NUS1: variants seen among roughly 807,000 people sequenced by gnomAD.
NUS1 encodes NUS1 dehydrodolichyl diphosphate synthase subunit, also known as dehydrodolichyl diphosphate synthase complex subunit NUS1.
For missense variants in NUS1, 292 were observed against 382.9 expected (o/e 0.76, Z 1.98); for synonymous variants, 135 against 155.2 (o/e 0.87, Z 0.97).
intron 1 of NUS1, among the ~76,000 whole-genome samples, chr6:117,680,820 T>A (rs1409336371): frequency 6.6e-6 from 1 of 152,258 alleles, no homozygotes; most frequent in African/African-American, 2.4e-5. Context: ...GTGTGAGAAT[T>A]CAACAGTAAG....
chr6:117,686,845 AGTGTGTATGTGTGTGTGTGT>A (rs961037735), intron 1 of NUS1, among the ~76,000 whole-genome samples: 2 of 114,360 alleles, frequency 1.7e-5, no homozygotes, highest in African/African-American at 6.2e-5. Flanking sequence ...TATCATGTGA[AGTGTGTATGTGTGTGTGTGT>A]GTGTGTGTGT....
Position 117,675,737 on chromosome 6 carries a change from A to G in NUS1, c.67A>G (p.Thr23Ala), listed in dbSNP as rs776243934. 1.9e-6 allele frequency: 3 copies of G among 1,539,704 alleles called. No homozygotes were observed. The highest frequency in any genetic ancestry group is 2.4e-5 in the South Asian group (2 of 84,020). ...HALLCLHRTLTSWLRVRFGTW... is the reference protein window; with the variant it reads ...HALLCLHRTLASWLRVRFGTW... ...GCTGCTCTGTCTGCACCGCACGCTC[A>G]CCTCCTGGCTCCGCGTTCGGTTCGG... is the stretch of plus-strand genomic sequence containing the variant. Residue 23 changes from threonine to alanine, a missense_variant, in exon 1 of 5, where the codon ACC (threonine) becomes GCC (alanine). Transcript: ENST00000368494.
chr6:117,698,104 A>G (rs1773347549), intron 3 of NUS1, among the ~76,000 whole-genome samples: 1 of 152,130 alleles, frequency 6.6e-6, no homozygotes, highest in East Asian at 1.9e-4. Flanking sequence ...ATTTACTGAA[A>G]CAAGTGGTAA....
At chr6:117,691,519 G>A (rs1773217069) in intron 1 of NUS1, among the ~76,000 whole-genome samples, 1 of 143,720 alleles carries the variant, frequency 7.0e-6, no homozygotes, top group Non-Finnish European at 1.5e-5. Context: ...CTTGGCATTT[G>A]TATACAGTAT....
chr6:117,702,264 A>G (rs1380893270), intron 3 of NUS1, among the ~76,000 whole-genome samples: 1 of 152,058 alleles, frequency 6.6e-6, no homozygotes, highest in Non-Finnish European at 1.5e-5. Context: ...ATGGATTTTC[A>G]TTGTTCCTTT....
At chr6:117,693,255 C>A in intron 2 of NUS1, 88 bp downstream of exon 2, 2 of 1,298,004 alleles carry the variant, frequency 1.5e-6, no homozygotes, top group Non-Finnish European at 2.2e-6. Flanking sequence ...GTCATTTATT[C>A]ATTCACGTTG....
intron 3 of NUS1, among the ~76,000 whole-genome samples, chr6:117,700,544 C>A (rs984781474): frequency 8.5e-5 from 13 of 152,164 alleles, no homozygotes; most frequent in Admixed American, 8.5e-4. Flanking sequence ...GTAATTGGTA[C>A]AACCAGTGTG....
intron 3 of NUS1, among the ~76,000 whole-genome samples, chr6:117,702,566 A>G (rs1773425660): frequency 6.6e-6 from 1 of 152,094 alleles, no homozygotes; most frequent in African/African-American, 2.4e-5. Flanking sequence ...TGTTTTTTAT[A>G]GAGAAGATTT....
At chr6:117,693,010 T>TTG in intron 1 of NUS1, 32 bp from the exon 2 acceptor site, 3 of 1,568,278 alleles carry the variant, frequency 1.9e-6, no homozygotes, top group Non-Finnish European at 2.6e-6. Context: ...ATTAACCTAG[T>TTG]TGTGTTTTAC....
chr6:117,689,790 T>G (rs560378385), intron 1 of NUS1, among the ~76,000 whole-genome samples: 85 of 152,256 alleles, frequency 5.6e-4, no homozygotes, highest in Non-Finnish European at 8.2e-4. Flanking sequence ...AGCCTCTAGT[T>G]CCTGGCCTCA....
intron 3 of NUS1, among the ~76,000 whole-genome samples, chr6:117,701,287 C>T (rs936459879): frequency 3.3e-5 from 5 of 149,742 alleles, no homozygotes; most frequent in African/African-American, 1.2e-4. Flanking sequence ...CTCTGTCGCC[C>T]AGGCTGGAGT....
chr6:117,691,554 T>TATAG (rs1283605226), intron 1 of NUS1, among the ~76,000 whole-genome samples: 1 of 33,174 alleles, frequency 3.0e-5, no homozygotes, highest in Admixed American at 4.0e-4. Context: ...GTGCCATAGA[T>TATAG]ATAGATATAT....
intron 1 of NUS1, among the ~76,000 whole-genome samples, chr6:117,680,450 T>G (rs1008604485): frequency 1.3e-5 from 2 of 152,236 alleles, no homozygotes; most frequent in African/African-American, 4.8e-5. Flanking sequence ...TCTTATTTCC[T>G]GGCTTTATTG....
At chr6:117,684,132 C>T (rs957294137) in intron 1 of NUS1, among the ~76,000 whole-genome samples, 1 of 152,186 alleles carries the variant, frequency 6.6e-6, no homozygotes, top group Non-Finnish European at 1.5e-5. Context: ...TTTGTTGCAA[C>T]TACTCAACTC....
At chr6:117,700,417 A>T (rs959639723) in intron 3 of NUS1, among the ~76,000 whole-genome samples, 1 of 152,254 alleles carries the variant, frequency 6.6e-6, no homozygotes, top group Non-Finnish European at 1.5e-5. Flanking sequence ...CATTGGAGAA[A>T]TACAAATTAG....
intron 4 of NUS1, among the ~76,000 whole-genome samples, chr6:117,704,080 C>T (rs957634073): frequency 5.9e-5 from 9 of 152,066 alleles, no homozygotes; most frequent in African/African-American, 2.4e-5. Context: ...CACACCAGAG[C>T]AGACAGTGTT....
intron 1 of NUS1, among the ~76,000 whole-genome samples, chr6:117,678,393 A>C (rs1323184612): frequency 6.6e-6 from 1 of 152,206 alleles, no homozygotes; most frequent in Non-Finnish European, 1.5e-5. Flanking sequence ...CAGACATGGG[A>C]ATGCAGCAGT....
In NUS1 at chr6:117,675,763, C is replaced by CCAGG; in HGVS notation, c.93_94insCAGG (p.Thr32GlnfsTer103). On this transcript the variant is annotated frameshift_variant, in exon 1 of 5. Transcript: ENST00000368494. LOFTEE classifies it high-confidence loss of function. ...CCTCCTGGCTCCGCGTTCGGTTCGG[C>CCAGG]ACCTGGAACTGGATCTGGCGGCGCT... The CCAGG allele has an allele frequency of 6.4e-7, 1 of 1,556,722 alleles. No homozygotes were observed. Among genetic ancestry groups the CCAGG allele is most frequent in the East Asian group, 2.4e-5 (1 of 42,076 alleles).
chr6:117,698,980 A>G (rs982276959), intron 3 of NUS1, among the ~76,000 whole-genome samples: 2 of 152,146 alleles, frequency 1.3e-5, no homozygotes, highest in African/African-American at 4.8e-5. Flanking sequence ...ACCCTAAAAA[A>G]TCTGGGTATA....
Sources: allele counts gnomAD v4.1 joint callset (sites outside exome capture counted in the v4.1 genomes callset), GRCh38; gene constraint gnomAD v4.1.1; transcripts MANE v1.5; gene names NCBI Gene and HGNC (gene_info 2026-07-23, HGNC 2026-07-21).